Variants in RHOT1 observed in about 807,000 individuals in gnomAD.
RHOT1 encodes the protein mitochondrial Rho GTPase 1.
A neutral mutation model predicts 95.3 loss-of-function variants in RHOT1; 27 were observed. The ratio of observed to expected loss-of-function variants is 0.28; its 90% CI spans 0.21 to 0.39. The LOEUF (loss-of-function observed/expected upper bound fraction) is 0.39, where lower values mean the gene tolerates loss of function less well. RHOT1 is among the 10% of genes least tolerant of loss of function. RHOT1 has a pLI of 1.00. For synonymous variants in RHOT1, 227 were observed against 263.5 expected, an observed-to-expected ratio of 0.86 and a Z score of 1.34; for missense variants, 578 against 786.7, an observed-to-expected ratio of 0.73 and a Z score of 3.17.
chr17:32,193,502 T>TA (rs1245438898), intron 10 of RHOT1, among the ~76,000 whole-genome samples: 1 of 152,102 alleles, frequency 6.6e-6, no homozygotes, highest in Non-Finnish European at 1.5e-5. Context: ...TGGAAGGAGA[T>TA]ATCTGGAACA....
chr17:32,186,346 T>C (rs1014755140), intron 8 of RHOT1, among the ~76,000 whole-genome samples: 1 of 151,918 alleles, frequency 6.6e-6, no homozygotes, highest in Non-Finnish European at 1.5e-5. Flanking sequence ...GTCTATTGCC[T>C]ATTCAAAGTC....
chr17:32,164,094 G>T (rs1261102806), intron 1 of RHOT1, among the ~76,000 whole-genome samples: 2 of 152,138 alleles, frequency 1.3e-5, no homozygotes, highest in Non-Finnish European at 2.9e-5. Flanking sequence ...GGCGGAGGTT[G>T]CAGTGAACCA....
At chr17:32,183,121 G>C in intron 7 of RHOT1, 50 bp from the exon 8 acceptor site, 1 of 1,408,950 alleles carries the variant, frequency 7.1e-7, no homozygotes, top group African/African-American at 1.4e-5. Context: ...TTTGAAAATT[G>C]TTTTTAGCTC....
chr17:32,173,616 G>C (rs767973279), intron 2 of RHOT1, among the ~76,000 whole-genome samples: 1 of 151,790 alleles, frequency 6.6e-6, no homozygotes, highest in African/African-American at 2.4e-5. Context: ...GGGAGGCTGA[G>C]GCAGGAGAAT....
chr17:32,219,752 A>C (rs2038712208), intron 19 of RHOT1, among the ~76,000 whole-genome samples: 1 of 152,236 alleles, frequency 6.6e-6, no homozygotes, highest in Admixed American at 6.5e-5. Context: ...CAGAAAGCCA[A>C]CATCCCAGAC....
chr17:32,150,188 A>AT (rs1472311080), intron 1 of RHOT1, among the ~76,000 whole-genome samples: 5 of 152,270 alleles, frequency 3.3e-5, no homozygotes, highest in African/African-American at 1.2e-4. Flanking sequence ...TTACTGAAGG[A>AT]TTTTTTGACT....
chr17:32,159,613 G>A (rs999257366), intron 1 of RHOT1: 14 of 152,724 alleles, frequency 9.2e-5, no homozygotes, highest in African/African-American at 3.4e-4. Flanking sequence ...ATCTCAGAGC[G>A]AGGTTGGGGC....
At chr17:32,194,455 C>CA (rs2036716854) in intron 11 of RHOT1, among the ~76,000 whole-genome samples, 1 of 152,146 alleles carries the variant, frequency 6.6e-6, no homozygotes, top group Admixed American at 6.5e-5. Context: ...ATGTCCTGTG[C>CA]AGTATAGGAT....
At chr17:32,175,250 AT>A in intron 3 of RHOT1, 68 bp from the exon 4 acceptor site, 1 of 1,324,986 alleles carries the variant, frequency 7.5e-7, no homozygotes, top group Non-Finnish European at 1.1e-6. Context: ...GTTGCATAGA[AT>A]TTAGCTTGGC....
chr17:32,148,120 C>T (rs1238002037), intron 1 of RHOT1, among the ~76,000 whole-genome samples: 1 of 152,092 alleles, frequency 6.6e-6, no homozygotes, highest in African/African-American at 2.4e-5. Context: ...AAAAAATTAG[C>T]CAGGCGTGGT....
chr17:32,160,669 G>A (rs1391880456), intron 1 of RHOT1, among the ~76,000 whole-genome samples: 6 of 152,178 alleles, frequency 3.9e-5, no homozygotes, highest in Admixed American at 2.0e-4. Flanking sequence ...CTTGTGATGC[G>A]CCTGGTCCAG....
intron 9 of RHOT1, among the ~76,000 whole-genome samples, chr17:32,192,633 G>T (rs541331745): frequency 1.3e-5 from 2 of 150,524 alleles, no homozygotes; most frequent in Admixed American, 1.3e-4. Context: ...AGGGAGTTGG[G>T]AATGTTTCTT....
chr17:32,143,676 G>T (rs1273054647), intron 1 of RHOT1, among the ~76,000 whole-genome samples: 1 of 152,184 alleles, frequency 6.6e-6, no homozygotes, highest in Admixed American at 6.5e-5. Flanking sequence ...GGGACTTCTT[G>T]ATTTCACTCT....
rs913299880 is a variant in RHOT1 at position 32,204,085 on chromosome 17, A to AT, written c.1416+122dup. 3,014 of 668,594 alleles carry AT rather than the reference A, an allele frequency of 4.5e-3. 1 individual carries two copies. Among genetic ancestry groups the AT allele is most frequent in the Middle Eastern group, 7.5e-3 (18 of 2,396 alleles). The allele number at this position is 668,594 out of a possible 1,614,324, so 41.4% of individuals were successfully genotyped here. A position where few individuals can be genotyped will look rare whatever the true frequency, so the allele number is the denominator to read the frequency against. The stretch of plus-strand genomic sequence containing the variant: ...TGACTCTCTGTAGAACTTCTGTGTG[A>AT]TTTTTTTTTTATTTAATTTTTTTTA... On this transcript the variant is annotated intron_variant, in intron 16 of 19. Transcript: ENST00000545287.
At chr17:32,218,804 A>T (rs1048656862) in intron 19 of RHOT1, among the ~76,000 whole-genome samples, 6 of 152,158 alleles carry the variant, frequency 3.9e-5, no homozygotes, top group African/African-American at 1.4e-4. Flanking sequence ...ATAGAGTGAG[A>T]CCCTGTCTCT....
At chr17:32,142,826 G>T (rs1184707793) in intron 1 of RHOT1, 97 bp downstream of exon 1, 5 of 1,076,214 alleles carry the variant, frequency 4.6e-6, no homozygotes, top group Non-Finnish European at 6.7e-6. Flanking sequence ...AACCTTTGCA[G>T]CCCCGGCCCT....
At chr17:32,207,272 CAT>C (rs1336222997) in intron 17 of RHOT1, 1 of 365,210 alleles carries the variant, frequency 2.7e-6, no homozygotes, top group African/African-American at 2.1e-5. Flanking sequence ...AGAACTTTTA[CAT>C]TAATGCAAGC....
At chr17:32,177,741 C>T (rs1320406733) in intron 6 of RHOT1, among the ~76,000 whole-genome samples, 5 of 133,408 alleles carry the variant, frequency 3.7e-5, no homozygotes, top group Admixed American at 7.9e-5. Context: ...GGCAACAGAG[C>T]GAGACTCCGT....
At chr17:32,175,575 G>A (rs77053088) in intron 4 of RHOT1, among the ~76,000 whole-genome samples, 1 of 152,120 alleles carries the variant, frequency 6.6e-6, no homozygotes, top group Non-Finnish European at 1.5e-5. Flanking sequence ...TCATGCCTCA[G>A]CCTCCCAAGT....
Sources: allele counts gnomAD v4.1 joint callset (sites outside exome capture counted in the v4.1 genomes callset), GRCh38; gene constraint gnomAD v4.1.1; transcripts MANE v1.5; gene names NCBI Gene and HGNC (gene_info 2026-07-23, HGNC 2026-07-21).